Variants in NECTIN1 observed in about 807,000 individuals in gnomAD.
NECTIN1 encodes nectin cell adhesion molecule 1.
Under a neutral mutation model 48.0 loss-of-function variants are expected in NECTIN1, and 23 were observed. That is an observed-to-expected ratio of 0.48 (90% CI 0.34 to 0.68). The LOEUF (loss-of-function observed/expected upper bound fraction) is 0.68. NECTIN1 is among the 30% of genes least tolerant of loss of function. NECTIN1 has a pLI of 0.01. For missense variants in NECTIN1, 591 were observed against 709.9 expected (o/e 0.83, Z 1.90); for synonymous variants, 270 against 288.9 (o/e 0.93, Z 0.66).
At chr11:119,725,265 A>G (rs1865891735) in intron 1 of NECTIN1, among the ~76,000 whole-genome samples, 1 of 152,188 alleles carries the variant, frequency 6.6e-6, no homozygotes, top group African/African-American at 2.4e-5. Context: ...ACAGTAGCCA[A>G]GGTGGATTCA....
chr11:119,667,471 G>A (rs993179343), intron 5 of NECTIN1, among the ~76,000 whole-genome samples: 1 of 152,230 alleles, frequency 6.6e-6, no homozygotes, highest in African/African-American at 2.4e-5. Flanking sequence ...AGATGTTAAG[G>A]GAACAGGCAG....
intron 5 of NECTIN1, among the ~76,000 whole-genome samples, chr11:119,670,803 C>CA (rs1225548618): frequency 6.6e-6 from 1 of 152,024 alleles, no homozygotes; most frequent in Non-Finnish European, 1.5e-5. Flanking sequence ...CGCACTGCCA[C>CA]ACCCGGCTAA....
Position 119,662,774 on chromosome 11 carries a change from C to T in NECTIN1, c.*1973G>A, listed in dbSNP as rs1340208794. Reference sequence around the variant, plus strand: ...AAAGCAGCCCAGCTCCTCCACCTCCCTCTGCCCTGTGGCTGGAAAGACTCC... The same window carrying T: ...AAAGCAGCCCAGCTCCTCCACCTCCTTCTGCCCTGTGGCTGGAAAGACTCC... On this transcript the variant is annotated 3_prime_UTR_variant, in exon 6 of 6. Coordinates refer to ENST00000264025, the MANE Select transcript of NECTIN1 (RefSeq NM_002855.5). The surrounding 1 kb of genome is among the most constrained non-coding windows in gnomAD (Gnocchi z 5.3). 2.9e-5 allele frequency: 29 copies of T among 986,538 alleles called. No homozygotes were observed. Among genetic ancestry groups the T allele is most frequent in the Non-Finnish European group, 3.4e-5 (28 of 830,618 alleles). 61.1% of individuals were successfully genotyped at this position (986,538 alleles called of 1,614,324 possible). A position where few individuals can be genotyped will look rare whatever the true frequency, so the allele number is the denominator to read the frequency against.
downstream of NECTIN1, among the ~76,000 whole-genome samples, chr11:119,660,680 C>T (rs1397097514): frequency 6.6e-6 from 1 of 152,154 alleles, no homozygotes; most frequent in Non-Finnish European, 1.5e-5. Context: ...GGCTTTCCCT[C>T]TCTGCTGTGT....
chr11:119,640,232 TGCTC>T (rs1441391778), intron 5 of NECTIN1: 2 of 584,624 alleles, frequency 3.4e-6, no homozygotes, highest in Non-Finnish European at 6.1e-6. Flanking sequence ...CCCCACACCC[TGCTC>T]TGATCCTGGG....
chr11:119,660,670 G>A (rs1864647487), downstream of NECTIN1, among the ~76,000 whole-genome samples: 4 of 152,130 alleles, frequency 2.6e-5, no homozygotes, highest in Admixed American at 6.5e-5. Flanking sequence ...GCCGGCACAG[G>A]GCTTTCCCTC....
At chr11:119,655,237 G>C (rs745589173) in intron 5 of NECTIN1, among the ~76,000 whole-genome samples, 3 of 151,522 alleles carry the variant, frequency 2.0e-5, no homozygotes, top group Non-Finnish European at 4.4e-5. Context: ...TTTTAAAAGA[G>C]CAATTTTAGG....
chr11:119,656,085 C>T (rs753202789), downstream of NECTIN1, among the ~76,000 whole-genome samples: 2 of 152,108 alleles, frequency 1.3e-5, no homozygotes, highest in African/African-American at 4.8e-5. Context: ...TGTAGAGATG[C>T]AAGTCTCGCT....
At chr11:119,685,690 C>A (rs376791827) in intron 1 of NECTIN1, among the ~76,000 whole-genome samples, 12 of 152,348 alleles carry the variant, frequency 7.9e-5, no homozygotes, top group African/African-American at 2.9e-4. Flanking sequence ...ATCGTGGCAC[C>A]CCAGGAACAC....
At chr11:119,652,876 T>C (rs1864513268) in intron 5 of NECTIN1, among the ~76,000 whole-genome samples, 1 of 152,238 alleles carries the variant, frequency 6.6e-6, no homozygotes, top group Non-Finnish European at 1.5e-5. Flanking sequence ...GCCTGGAGAC[T>C]GCTCACATCC....
chr11:119,652,091 C>A (rs974098550), intron 5 of NECTIN1, among the ~76,000 whole-genome samples: 5 of 152,200 alleles, frequency 3.3e-5, no homozygotes, highest in African/African-American at 1.2e-4. Context: ...CCTTCTCTTC[C>A]AACCCATTAT....
Position 119,665,483 on chromosome 11 carries a change from T to C in NECTIN1, c.1004-186A>G, listed in dbSNP as rs542971927. On this transcript the variant is annotated intron_variant, in intron 5 of 5. Transcript: ENST00000264025. This position sits in a 1 kb window ranked among gnomAD's most constrained non-coding sequence, Gnocchi z 5.1. ...CCTGGAGCCCTAACATGCCGCAGCG[T>C]TGGTAGCTGGAGTGAGAGACAGGCA... Among the ~76,000 whole-genome samples, 4 of 152,136 alleles carry C rather than the reference T, an allele frequency of 2.6e-5. No homozygotes were observed. Among genetic ancestry groups the C allele is most frequent in the African/African-American group, 9.6e-5 (4 of 41,504 alleles).
Position 119,713,824 on chromosome 11 carries a change from G to A in NECTIN1, c.79+14651C>T, listed in dbSNP as rs111254016. The A allele has an allele frequency of 2.9e-5, 13 of 455,518 alleles. 1 individual carries two copies. In the Middle Eastern group the frequency reaches 1.1e-3, roughly 38 times the overall value. The allele number at this position is 455,518 out of a possible 1,614,324, so 28.2% of individuals were successfully genotyped here. A position where few individuals can be genotyped will look rare whatever the true frequency, so the allele number is the denominator to read the frequency against. On this transcript the variant is annotated intron_variant, in intron 1 of 5. Coordinates refer to ENST00000264025, the MANE Select transcript of NECTIN1 (RefSeq NM_002855.5). The stretch of plus-strand genomic sequence containing the variant: ...CTCTCCTGGGTTAGCCTCAGAGTTC[G>A]GCGAGGGGAGGCACTGTTTGGGGCT...
chr11:119,718,256 T>C (rs1406721878), intron 1 of NECTIN1, among the ~76,000 whole-genome samples: 1 of 152,184 alleles, frequency 6.6e-6, no homozygotes, highest in Admixed American at 6.5e-5. Context: ...TTGATTTTTC[T>C]GCCCCCGTGA....
Position 119,661,019 on chromosome 11 carries a change from A to T in NECTIN1, c.*3728T>A. On this transcript the variant is annotated 3_prime_UTR_variant, in exon 6 of 6. Transcript: ENST00000264025. ...TGTTTTAAACACTTTATTTATAAAAAAGTACATTTTTAATCCTCAGTACAT... is the reference window on the plus strand; with the variant it reads ...TGTTTTAAACACTTTATTTATAAAATAGTACATTTTTAATCCTCAGTACAT... 1.0e-6 allele frequency: 1 copy of T among 981,276 alleles called. No homozygotes were observed. Among genetic ancestry groups the T allele is most frequent in the Non-Finnish European group, 1.2e-6 (1 of 825,806 alleles). The allele number at this position is 981,276 out of a possible 1,614,324, so 60.8% of individuals were successfully genotyped here.
chr11:119,641,235 G>A (rs1482849402), intron 5 of NECTIN1: 1 of 152,372 alleles, frequency 6.6e-6, no homozygotes, highest in African/African-American at 2.4e-5. Flanking sequence ...TTCCCGTGTT[G>A]TCCAGGCTGG....
At chr11:119,725,717 T>C (rs1486805026) in intron 1 of NECTIN1, among the ~76,000 whole-genome samples, 1 of 152,226 alleles carries the variant, frequency 6.6e-6, no homozygotes, top group Non-Finnish European at 1.5e-5. Flanking sequence ...AGAGAGAGGC[T>C]GCAGAGAGGG....
intron 1 of NECTIN1, among the ~76,000 whole-genome samples, chr11:119,717,846 G>A (rs2134341909): frequency 6.6e-6 from 1 of 152,358 alleles, no homozygotes; most frequent in Middle Eastern, 3.4e-3. Context: ...TTGGATGGGA[G>A]TCAGGCAGGT....
chr11:119,648,681 G>A (rs1864448797), intron 5 of NECTIN1, among the ~76,000 whole-genome samples: 1 of 152,036 alleles, frequency 6.6e-6, no homozygotes, highest in African/African-American at 2.4e-5. Context: ...AACCCCTGGG[G>A]CAGAGCCCAG....
Sources: gnomAD v4.1 joint callset for allele counts (sites outside exome capture counted in the v4.1 genomes callset) on GRCh38, gnomAD v4.1.1 for gene constraint, Gnocchi (gnomAD v3.1) non-coding constraint, MANE v1.5 for transcripts, NCBI Gene and HGNC (gene_info 2026-07-23, HGNC 2026-07-21) for gene names.